Variants in DNAAF9 observed in about 807,000 individuals in gnomAD.
The protein encoded by DNAAF9 is dynein axonemal assembly factor 9.
DNAAF9 carries 90 observed loss-of-function variants against 167.0 expected under a neutral mutation model. The ratio of observed to expected loss-of-function variants is 0.54; its 90% CI spans 0.45 to 0.64. The LOEUF is 0.64. Among genes scored for constraint, DNAAF9 ranks in the 30% least tolerant of loss-of-function variants. The pLI, the probability that DNAAF9 is intolerant of heterozygous loss-of-function variation, is 0.00. For synonymous variants in DNAAF9, 491 were observed against 508.8 expected (o/e 0.96, Z 0.47); for missense variants, 1,315 against 1,442.2 (o/e 0.91, Z 1.43).
chr20:3,322,254 G>T lies in DNAAF9; in HGVS notation c.1319C>A (p.Pro440Gln), dbSNP rs187017193. ...HAVNNQGRIVPLDSEDSLSFV... is the reference protein window; with the variant it reads ...HAVNNQGRIVQLDSEDSLSFV... ...GGATAAGCTATCTTCACTGTCCAGC[G>T]GTACAATTCTAGGAGGGGAAAGAGA... is the stretch of plus-strand genomic sequence containing the variant. The change falls in exon 16 of 37, where the codon CCG becomes CAG. Residue 440 changes from proline to glutamine, a missense_variant. Pro to Gln is a moderately conservative substitution (Grantham distance 76, BLOSUM62 -1). Around this residue, in one of 2 missense-constraint regions of DNAAF9, gnomAD observed 981 missense variants for 1,012.5 expected, o/e 0.97. Coordinates refer to ENST00000252032, the MANE Select transcript of DNAAF9 (RefSeq NM_001009984.3). 1 of 1,607,572 alleles carries T rather than the reference G, an allele frequency of 6.2e-7. No homozygotes were observed. The highest frequency in any genetic ancestry group is 2.2e-5 in the East Asian group (1 of 44,850).
Position 3,336,252 on chromosome 20 carries a change from G to GTTTTTTTTTTTTTTTTTTTTTTT in DNAAF9, c.982-3892_982-3891insAAAAAAAAAAAAAAAAAAAAAAA, listed in dbSNP as rs1178750984. ...TGATTTTGCAGATTCACAGTTTTGC[G>GTTTTTTTTTTTTTTTTTTTTTTT]TTTTTGTTTTTTTTTTTTTTTTTGC... On this transcript the variant is annotated intron_variant, in intron 10 of 36. Coordinates refer to ENST00000252032, the MANE Select transcript of DNAAF9 (RefSeq NM_001009984.3). 1.6e-4 allele frequency among the ~76,000 whole-genome samples: 13 copies of GTTTTTTTTTTTTTTTTTTTTTTT among 81,442 alleles called. 2 individuals are homozygous for GTTTTTTTTTTTTTTTTTTTTTTT. Among genetic ancestry groups the GTTTTTTTTTTTTTTTTTTTTTTT allele is most frequent in the South Asian group, 4.5e-4 (1 of 2,214 alleles). 53.4% of individuals were successfully genotyped at this position (81,442 alleles called of 152,430 possible). A position where few individuals can be genotyped will look rare whatever the true frequency, so the allele number is the denominator to read the frequency against.
At chr20:3,313,756 A>T (rs2069454041) in intron 20 of DNAAF9, among the ~76,000 whole-genome samples, 1 of 152,238 alleles carries the variant, frequency 6.6e-6, no homozygotes, top group Non-Finnish European at 1.5e-5. Context: ...GGCAAGAGGC[A>T]GGCTGTTAAA....
chr20:3,336,579 C>T (rs1014376395), intron 10 of DNAAF9, among the ~76,000 whole-genome samples: 18 of 152,030 alleles, frequency 1.2e-4, no homozygotes, highest in African/African-American at 2.4e-4. Context: ...GATGGAGTTT[C>T]GCTCTTCTCT....
At chr20:3,335,115 T>G (rs1483715943) in intron 10 of DNAAF9, among the ~76,000 whole-genome samples, 1 of 152,238 alleles carries the variant, frequency 6.6e-6, no homozygotes, top group Admixed American at 6.5e-5. Context: ...TTTATTTTTT[T>G]GGCAACTTTT....
Position 3,295,744 on chromosome 20 carries a change from C to G in DNAAF9, c.2019-1115G>C, listed in dbSNP as rs1600726409. 3 of 652,958 alleles carry G rather than the reference C, an allele frequency of 4.6e-6. No individual in the cohort carries two copies. In the East Asian group the frequency reaches 1.0e-4, roughly 23 times the overall value. The allele number at this position is 652,958 out of a possible 1,614,324, so 40.4% of individuals were successfully genotyped here. A position where few individuals can be genotyped will look rare whatever the true frequency, so the allele number is the denominator to read the frequency against. On this transcript the variant is annotated intron_variant, in intron 23 of 36. Coordinates refer to ENST00000252032, the MANE Select transcript of DNAAF9 (RefSeq NM_001009984.3). ...CTGGCATAACGCGTGATGTAGTTGT[C>G]CACTTTATTCTGGAAGTCCTCCTTG...
At chr20:3,375,579 G>A (rs2083564641) in intron 4 of DNAAF9, among the ~76,000 whole-genome samples, 2 of 152,198 alleles carry the variant, frequency 1.3e-5, no homozygotes, top group African/African-American at 4.8e-5. Context: ...CTCCCAGGGA[G>A]CCAGGCATGG....
intron 7 of DNAAF9, among the ~76,000 whole-genome samples, chr20:3,352,477 C>T (rs1360811567): frequency 6.6e-6 from 1 of 151,856 alleles, no homozygotes; most frequent in Non-Finnish European, 1.5e-5. Context: ...TGTCTGACCT[C>T]TCTGGTCCCA....
intron 10 of DNAAF9, among the ~76,000 whole-genome samples, chr20:3,334,390 A>G (rs1210155168): frequency 6.6e-6 from 1 of 152,236 alleles, no homozygotes; most frequent in African/African-American, 2.4e-5. Context: ...TACAGACATC[A>G]GAATCTTGGA....
chr20:3,386,632 T>C (rs545102690), intron 1 of DNAAF9, among the ~76,000 whole-genome samples: 50 of 152,336 alleles, frequency 3.3e-4, no homozygotes, highest in African/African-American at 1.2e-3. Flanking sequence ...ATTACAATTT[T>C]AGTTTTGCTC....
At chr20:3,340,776 C>T (rs2070068935) in intron 9 of DNAAF9, 137 bp from the exon 10 acceptor site, 5 of 718,452 alleles carry the variant, frequency 7.0e-6, no homozygotes, top group Non-Finnish European at 1.2e-5. Context: ...TACAGTCGAC[C>T]GAATATCCTT....
intron 6 of DNAAF9, among the ~76,000 whole-genome samples, chr20:3,371,338 T>G (rs6515805): frequency 0.042 from 3,479 of 82,576 alleles, 79 homozygotes; most frequent in African/African-American, 0.073. Context: ...AAAATCTTTT[T>G]TTTTTTTTTT....
intron 6 of DNAAF9, among the ~76,000 whole-genome samples, chr20:3,370,641 C>T (rs1043031838): frequency 1.3e-5 from 2 of 152,142 alleles, no homozygotes; most frequent in African/African-American, 2.4e-5. Flanking sequence ...ATCTCTTGAC[C>T]TCATGATCCA....
intron 30 of DNAAF9, among the ~76,000 whole-genome samples, 169 bp from the exon 31 acceptor site, chr20:3,264,693 C>T (rs1380212197): frequency 6.6e-6 from 1 of 152,154 alleles, no homozygotes; most frequent in Non-Finnish European, 1.5e-5. Flanking sequence ...CCTCAGCCTC[C>T]TGAGTAGCGG....
intron 20 of DNAAF9, among the ~76,000 whole-genome samples, chr20:3,307,490 T>G (rs2069320500): frequency 6.6e-6 from 1 of 152,176 alleles, no homozygotes; most frequent in East Asian, 1.9e-4. Context: ...TCTGGACTCT[T>G]GACTGTCAGA....
At chr20:3,328,923 G>A (rs1053217430) in intron 12 of DNAAF9, among the ~76,000 whole-genome samples, 5 of 145,708 alleles carry the variant, frequency 3.4e-5, no homozygotes, top group African/African-American at 1.0e-4. Flanking sequence ...AGGCTAGAGT[G>A]CAGTGGCGCT....
In DNAAF9 at chr20:3,317,576, A is replaced by G. The variant is rs79216507; in HGVS notation, c.1468+713T>C. 9.0e-3 allele frequency among the ~76,000 whole-genome samples: 1,369 copies of G among 152,194 alleles called. 20 individuals are homozygous for G. Among genetic ancestry groups the G allele is most frequent in the African/African-American group, 0.032 (1,315 of 41,506 alleles). On this transcript the variant is annotated intron_variant, in intron 17 of 36. Transcript: ENST00000252032. ...ATATTTTGCCAACCTAACAGGTAAA[A>G]AAATAATATCTAATTACTGTTTCAA...
At chr20:3,308,036 G>C (rs981968304) in intron 20 of DNAAF9, among the ~76,000 whole-genome samples, 1 of 151,420 alleles carries the variant, frequency 6.6e-6, no homozygotes, top group African/African-American at 2.4e-5. Flanking sequence ...TCACCACTGG[G>C]CCTAAGAAAT....
At position 3,315,718 on chromosome 20, in the gene DNAAF9, A is replaced by G. The variant is rs777607597; in HGVS notation, c.1590+17T>C. 3.8e-6 allele frequency: 6 copies of G among 1,596,490 alleles called. 1 individual carries two copies. Among genetic ancestry groups the G allele is most frequent in the Non-Finnish European group, 5.2e-6 (6 of 1,163,834 alleles). The stretch of plus-strand genomic sequence containing the variant: ...TTTTGATATAATGTTCACACTGAGA[A>G]TAAGAAGGCTGCTTACCCTCACTGC... On this transcript the variant is annotated intron_variant, in intron 19 of 36. Transcript: ENST00000252032. The surrounding 1 kb of genome is among the most constrained non-coding windows in gnomAD (Gnocchi z 4.1).
chr20:3,298,193 G>C lies in DNAAF9; in HGVS notation c.1783-18C>G. The C allele has an allele frequency of 1.2e-6, 2 of 1,606,408 alleles. No homozygotes were observed. Among genetic ancestry groups the C allele is most frequent in the Non-Finnish European group, 1.7e-6 (2 of 1,175,700 alleles). ...GTGGAATCCTAAAGCGAAAAGGAGG[G>C]AGCATCAGCAAGAAGAGCATCTGCA... is the stretch of plus-strand genomic sequence containing the variant. On this transcript the variant is annotated intron_variant, in intron 21 of 36. Transcript: ENST00000252032.
Sources: gnomAD v4.1 joint callset for allele counts (sites outside exome capture counted in the v4.1 genomes callset) on GRCh38, gnomAD v4.1.1 for gene constraint, gnomAD v4.1.1 regional missense constraint, Gnocchi (gnomAD v3.1) non-coding constraint, MANE v1.5 for transcripts, NCBI Gene and HGNC (gene_info 2026-07-23, HGNC 2026-07-21) for gene names.